The following VIPR2 variants were observed in gnomAD, a reference collection of about 807,000 sequenced individuals.
The protein encoded by VIPR2 is vasoactive intestinal peptide receptor 2.
In VIPR2, 48 loss-of-function variants were observed where a neutral mutation model predicts 58.0. The observed-to-expected ratio is 0.83, with a 90% confidence interval of 0.66 to 1.05. The LOEUF (loss-of-function observed/expected upper bound fraction) is 1.05, where lower values mean the gene tolerates loss of function less well. VIPR2 is among the 50% of genes least tolerant of loss of function. The pLI is 0.00. For synonymous variants in VIPR2, 243 were observed against 235.2 expected (o/e 1.03, Z -0.30); for missense variants, 534 against 558.0 (o/e 0.96, Z 0.43).
chr7:159,034,400 T>G lies in VIPR2; in HGVS notation c.880-96A>C, dbSNP rs1853787294. 2.1e-5 allele frequency: 28 copies of G among 1,357,484 alleles called. 1 individual carries two copies. The Middle Eastern group carries it at 5.4e-4, about 26-fold the overall frequency. The allele number at this position is 1,357,484 out of a possible 1,614,324, so 84.1% of individuals were successfully genotyped here. A position where few individuals can be genotyped will look rare whatever the true frequency, so the allele number is the denominator to read the frequency against. ...TCGACCCTCCCCTCCGCTCCCTCAG[T>G]CCCTCCCTCCTTCCCTGGGAACTGC... is the stretch of plus-strand genomic sequence containing the variant. On this transcript the variant is annotated intron_variant, in intron 9 of 12. Transcript: ENST00000262178.
chr7:159,095,983 C>T lies in VIPR2; in HGVS notation c.357+7774G>A, dbSNP rs1857812049. ...GTGTGGTGTATGATCTGGAGGCTCC[C>T]CGGGGGCTCCTGGCAACAAGCTGCA... On this transcript the variant is annotated intron_variant, in intron 4 of 12. Transcript: ENST00000262178. The surrounding 1 kb of genome is among the most constrained non-coding windows in gnomAD (Gnocchi z 5.2). Among the ~76,000 whole-genome samples the T allele has an allele frequency of 6.6e-6, 1 of 152,130 alleles. No homozygotes were observed. The highest frequency in any genetic ancestry group is 6.5e-5 in the Admixed American group (1 of 15,282).
Position 159,038,956 on chromosome 7 carries a change from G to A in VIPR2, c.598-2054C>T, listed in dbSNP as rs187700554. ...GATGAATGCGGTGTTTTAGAGGGCC[G>A]GAACAGCTTGTGGAAAGATGCCAGT... On this transcript the variant is annotated intron_variant, in intron 6 of 12. Transcript: ENST00000262178. 9.2e-5 allele frequency among the ~76,000 whole-genome samples: 14 copies of A among 152,244 alleles called. 1 individual carries two copies. The East Asian group carries it at 1.4e-3, about 15-fold the overall frequency.
chr7:159,039,201 G>A (rs1157946838), intron 6 of VIPR2, among the ~76,000 whole-genome samples: 2 of 152,240 alleles, frequency 1.3e-5, no homozygotes, highest in Non-Finnish European at 2.9e-5. Flanking sequence ...GCTCACACCT[G>A]TAATCCCAGC....
chr7:159,041,567 G>A lies in VIPR2; in HGVS notation c.597+1468C>T, dbSNP rs201751647. On this transcript the variant is annotated intron_variant, in intron 6 of 12. Transcript: ENST00000262178. ...TTGAGGGTCCGTCAGGGTCCTGAGGGTCTGTCATGGGTCCTGAGGGTCTGT... is the reference window on the plus strand; with the variant it reads ...TTGAGGGTCCGTCAGGGTCCTGAGGATCTGTCATGGGTCCTGAGGGTCTGT... Among the ~76,000 whole-genome samples the A allele has an allele frequency of 1.1e-4, 16 of 151,902 alleles. No individual in the cohort carries two copies. The East Asian group carries it at 3.1e-3, about 30-fold the overall frequency.
At chr7:159,119,942 T>C (rs373618529) in intron 2 of VIPR2, among the ~76,000 whole-genome samples, 4,934 of 113,774 alleles carry the variant, frequency 0.043, 223 homozygotes, top group African/African-American at 0.12. Flanking sequence ...TCGGAAGAAA[T>C]GCTTGTCCCC....
rs1857862713 is a variant in VIPR2, at chr7:159,096,604, C to T, written c.357+7153G>A. ...GTGCATTTCCTTCTTAACCTCCTTC[C>T]CTGGTCCCGTATCTCCTTTGGCCCT... On this transcript the variant is annotated intron_variant, in intron 4 of 12. Coordinates refer to ENST00000262178, the MANE Select transcript of VIPR2 (RefSeq NM_003382.5). This position sits in a 1 kb window ranked among gnomAD's most constrained non-coding sequence, Gnocchi z 5.5. Among the ~76,000 whole-genome samples, 1 of 152,248 alleles carries T rather than the reference C, an allele frequency of 6.6e-6. No individual in the cohort carries two copies. The highest frequency in any genetic ancestry group is 2.4e-5 in the African/African-American group (1 of 41,470).
At chr7:159,105,343 TG>T (rs35591129) in intron 3 of VIPR2, among the ~76,000 whole-genome samples, 33,047 of 152,112 alleles carry the variant, frequency 0.22, 6,121 homozygotes, top group African/African-American at 0.51. Context: ...TGGAAGGGTC[TG>T]GGGCTTTGGA....
intron 4 of VIPR2, among the ~76,000 whole-genome samples, chr7:159,074,811 G>C (rs978789849): frequency 3.9e-5 from 6 of 152,072 alleles, no homozygotes; most frequent in Admixed American, 2.0e-4. Context: ...AACACAGTGA[G>C]ACTCTGTCAC....
chr7:159,107,355 TG>T (rs1199395272), intron 3 of VIPR2, among the ~76,000 whole-genome samples: 2 of 152,190 alleles, frequency 1.3e-5, no homozygotes, highest in African/African-American at 4.8e-5. Context: ...CCCCTGAGCA[TG>T]GGGCATGAAC....
At chr7:159,121,952 A>G (rs1796469106) in intron 2 of VIPR2, among the ~76,000 whole-genome samples, 1 of 152,256 alleles carries the variant, frequency 6.6e-6, no homozygotes, top group Admixed American at 6.5e-5. Context: ...TTAACCTTCA[A>G]AGACAACTGA....
intron 4 of VIPR2, among the ~76,000 whole-genome samples, chr7:159,083,478 C>T (rs1448043264): frequency 6.6e-6 from 1 of 152,204 alleles, no homozygotes; most frequent in Non-Finnish European, 1.5e-5. Context: ...TCCCTTCCAG[C>T]TCCACCTTTC....
chr7:159,135,208 G>A (rs1797165982), intron 2 of VIPR2, among the ~76,000 whole-genome samples: 1 of 151,906 alleles, frequency 6.6e-6, no homozygotes, highest in Non-Finnish European at 1.5e-5. Flanking sequence ...GGCCAAGGCA[G>A]GCGGATCACT....
chr7:159,051,725 T>C (rs1855018017), intron 5 of VIPR2, among the ~76,000 whole-genome samples: 1 of 152,088 alleles, frequency 6.6e-6, no homozygotes, highest in Non-Finnish European at 1.5e-5. Flanking sequence ...ATAAAGCTAA[T>C]AAAATTATCT....
chr7:159,034,682 A>G, intron 8 of VIPR2, 32 bp from the exon 9 acceptor site: 1 of 1,599,886 alleles, frequency 6.3e-7, no homozygotes, highest in Non-Finnish European at 8.6e-7. Flanking sequence ...TCAGGTTACC[A>G]CCAACCACTT....
intron 4 of VIPR2, among the ~76,000 whole-genome samples, chr7:159,068,241 C>T (rs1405188163): frequency 5.9e-5 from 9 of 152,190 alleles, no homozygotes; most frequent in Non-Finnish European, 4.4e-5. Context: ...GTCAGCCCAG[C>T]CCCAGGGTTC....
At chr7:159,104,445 C>T (rs960811562) in intron 3 of VIPR2, among the ~76,000 whole-genome samples, 1 of 151,682 alleles carries the variant, frequency 6.6e-6, no homozygotes, top group Non-Finnish European at 1.5e-5. Context: ...CACCCTCCCT[C>T]CTCCTGGCCA....
chr7:159,066,337 G>A (rs1585404351), intron 4 of VIPR2, among the ~76,000 whole-genome samples: 1 of 148,516 alleles, frequency 6.7e-6, no homozygotes, highest in African/African-American at 2.5e-5. Flanking sequence ...CTTCCACAAC[G>A]TCTGTGGGAT....
At chr7:159,044,192 C>G (rs1198923136) in intron 5 of VIPR2, among the ~76,000 whole-genome samples, 1 of 152,018 alleles carries the variant, frequency 6.6e-6, no homozygotes, top group Admixed American at 6.5e-5. Flanking sequence ...CTCTTTGACT[C>G]CAGGTGTTTG....
In VIPR2 at chr7:159,067,804, G is replaced by A. The variant is rs145044433; in HGVS notation, c.358-9226C>T. Among the ~76,000 whole-genome samples the A allele has an allele frequency of 3.5e-3, 529 of 152,338 alleles. 4 individuals carry two copies. The highest frequency in any genetic ancestry group is 0.012 in the African/African-American group (489 of 41,584). ...CTTTCCCCGGAACCAAGATCCTGTC[G>A]AGGCCAAGGAGAAGGGTGAAAGATA... On this transcript the variant is annotated intron_variant, in intron 4 of 12. Transcript: ENST00000262178.
Sources: allele counts gnomAD v4.1 joint callset (sites outside exome capture counted in the v4.1 genomes callset), GRCh38; gene constraint gnomAD v4.1.1; non-coding constraint Gnocchi (gnomAD v3.1); transcripts MANE v1.5; gene names NCBI Gene and HGNC (gene_info 2026-07-23, HGNC 2026-07-21).